Variants in DLG2 observed in about 807,000 individuals in gnomAD.
DLG2 encodes the protein discs large MAGUK scaffold protein 2.
Under a neutral mutation model 132.5 loss-of-function variants are expected in DLG2, and 45 were observed. The observed-to-expected ratio is 0.34, with a 90% CI of 0.27 to 0.44. The LOEUF (loss-of-function observed/expected upper bound fraction) is 0.44, where lower values mean the gene tolerates loss of function less well. Among genes scored for constraint, DLG2 ranks in the 20% least tolerant of loss-of-function variants. The pLI is 1.00. For synonymous variants in DLG2, 424 were observed against 419.6 expected (o/e 1.01, Z -0.13); for missense variants, 1,045 against 1,196.9 (o/e 0.87, Z 1.87).
At chr11:84,792,242 T>C (rs2073956471) in intron 6 of DLG2, among the ~76,000 whole-genome samples, 1 of 152,192 alleles carries the variant, frequency 6.6e-6, no homozygotes, top group Admixed American at 6.5e-5. Flanking sequence ...AATGATTGAT[T>C]TGTATATGTT....
At chr11:84,779,244 C>T (rs991340802) in intron 6 of DLG2, among the ~76,000 whole-genome samples, 5 of 151,902 alleles carry the variant, frequency 3.3e-5, no homozygotes, top group Admixed American at 1.3e-4. Context: ...ACACACATAT[C>T]CTATTAGTTC....
intron 7 of DLG2, among the ~76,000 whole-genome samples, chr11:84,319,533 C>T (rs2098391639): frequency 6.6e-6 from 1 of 152,162 alleles, no homozygotes; most frequent in South Asian, 2.1e-4. Flanking sequence ...AAGAATCAAT[C>T]TACATAGACA....
In DLG2 at chr11:84,360,941, A is replaced by C. The variant is rs144136199; in HGVS notation, c.520-109650T>G. On this transcript the variant is annotated intron_variant, in intron 7 of 27. Coordinates refer to ENST00000376104, the MANE Select transcript of DLG2 (RefSeq NM_001142699.3). ...GAAATGGAAGATTTTTAATGAACCA[A>C]ATGAAACATATAAAGATAAAAAAAG... Among the ~76,000 whole-genome samples the C allele has an allele frequency of 1.2e-3, 180 of 152,062 alleles. 3 individuals carry two copies. Among genetic ancestry groups the C allele is most frequent in the Admixed American group, 8.3e-3 (126 of 15,240 alleles).
intron 11 of DLG2, among the ~76,000 whole-genome samples, chr11:83,994,227 T>A (rs1179879390): frequency 6.6e-6 from 1 of 152,140 alleles, no homozygotes; most frequent in Non-Finnish European, 1.5e-5. Context: ...CACCAACTAA[T>A]CACAATACGT....
At chr11:85,200,068 T>A (rs2081347276) in intron 4 of DLG2, among the ~76,000 whole-genome samples, 1 of 151,794 alleles carries the variant, frequency 6.6e-6, no homozygotes, top group African/African-American at 2.4e-5. Context: ...TCCAAAAGTC[T>A]CTCTGCAGAA....
At chr11:84,635,050 T>C (rs1340174311) in intron 6 of DLG2, among the ~76,000 whole-genome samples, 1 of 152,242 alleles carries the variant, frequency 6.6e-6, no homozygotes, top group Non-Finnish European at 1.5e-5. Context: ...AAAGAGCAAG[T>C]GATCCTTTGA....
chr11:84,607,267 A>G (rs2099587494), intron 6 of DLG2, among the ~76,000 whole-genome samples: 1 of 152,156 alleles, frequency 6.6e-6, no homozygotes, highest in African/African-American at 2.4e-5. Flanking sequence ...CTCTTAAACA[A>G]GGTATTCTCT....
chr11:83,490,258 G>A (rs1363599901), intron 21 of DLG2, among the ~76,000 whole-genome samples: 1 of 151,822 alleles, frequency 6.6e-6, no homozygotes, highest in African/African-American at 2.4e-5. Context: ...GGTAGCATAT[G>A]AAAAGACACA....
At chr11:84,377,597 AAAAG>A (rs2098734332) in intron 7 of DLG2, among the ~76,000 whole-genome samples, 1 of 152,098 alleles carries the variant, frequency 6.6e-6, no homozygotes, top group Non-Finnish European at 1.5e-5. Context: ...TAAAAACATA[AAAAG>A]AAAGAAGAAG....
intron 3 of DLG2, among the ~76,000 whole-genome samples, chr11:85,372,774 G>A (rs1052169953): frequency 6.6e-6 from 1 of 152,066 alleles, no homozygotes; most frequent in Non-Finnish European, 1.5e-5. Flanking sequence ...ACCTGCCAAG[G>A]TTGCCAGAAC....
chr11:84,730,900 A>C (rs1329777113), intron 6 of DLG2, among the ~76,000 whole-genome samples: 3 of 152,060 alleles, frequency 2.0e-5, no homozygotes, highest in Non-Finnish European at 4.4e-5. Flanking sequence ...TACAATCTCC[A>C]GCTATGTATC....
intron 6 of DLG2, among the ~76,000 whole-genome samples, chr11:84,882,182 A>G (rs1157576726): frequency 6.6e-6 from 1 of 152,106 alleles, no homozygotes; most frequent in African/African-American, 2.4e-5. Flanking sequence ...GATCACTATA[A>G]GAAGAAAGAA....
intron 16 of DLG2, among the ~76,000 whole-genome samples, chr11:83,853,231 G>A (rs1372619769): frequency 6.6e-6 from 1 of 151,998 alleles, no homozygotes; most frequent in East Asian, 1.9e-4. Flanking sequence ...CTTTCTGCCA[G>A]CAGTTGGCTT....
chr11:84,935,509 T>G (rs2048634733), intron 6 of DLG2, among the ~76,000 whole-genome samples: 1 of 152,190 alleles, frequency 6.6e-6, no homozygotes, highest in Non-Finnish European at 1.5e-5. Flanking sequence ...TAAAGTACTA[T>G]GCCCTCTTCA....
intron 7 of DLG2, among the ~76,000 whole-genome samples, chr11:84,375,337 T>A (rs551207204): frequency 6.6e-6 from 1 of 152,274 alleles, no homozygotes; most frequent in Non-Finnish European, 1.5e-5. Flanking sequence ...TTAACTGCTA[T>A]AATTATTGCG....
chr11:84,890,317 C>T (rs756917883), intron 6 of DLG2, among the ~76,000 whole-genome samples: 9 of 152,062 alleles, frequency 5.9e-5, no homozygotes, highest in African/African-American at 1.7e-4. Context: ...ACAAAAGGTC[C>T]AAGTTACCTC....
chr11:84,004,400 A>C (rs2094485080), intron 11 of DLG2, among the ~76,000 whole-genome samples: 1 of 152,124 alleles, frequency 6.6e-6, no homozygotes, highest in African/African-American at 2.4e-5. Flanking sequence ...TTCATAATAA[A>C]AATGTTCAAC....
intron 3 of DLG2, among the ~76,000 whole-genome samples, chr11:85,375,949 G>C (rs377316083): frequency 1.3e-5 from 2 of 152,126 alleles, no homozygotes; most frequent in Non-Finnish European, 2.9e-5. Flanking sequence ...CCACATGTTA[G>C]AAAATAAGTC....
At chr11:83,735,753 G>C (rs1309630411) in intron 18 of DLG2, among the ~76,000 whole-genome samples, 1 of 152,190 alleles carries the variant, frequency 6.6e-6, no homozygotes, top group Non-Finnish European at 1.5e-5. Context: ...AATTGAGAGT[G>C]ATTGGAATGA....
Sources: allele counts gnomAD v4.1 joint callset (sites outside exome capture counted in the v4.1 genomes callset), GRCh38; gene constraint gnomAD v4.1.1; transcripts MANE v1.5; gene names NCBI Gene and HGNC (gene_info 2026-07-23, HGNC 2026-07-21).